RGS7: variants seen among roughly 807,000 people sequenced by gnomAD.
RGS7 encodes the protein regulator of G-protein signaling 7.
Under a neutral mutation model 81.1 loss-of-function variants are expected in RGS7, and 27 were observed. The observed-to-expected ratio is 0.33, with a 90% confidence interval of 0.25 to 0.46. RGS7 has a LOEUF of 0.46. Among genes scored for constraint, RGS7 ranks in the 20% least tolerant of loss-of-function variants. The pLI, the probability that RGS7 is intolerant of heterozygous loss-of-function variation, is 1.00. For synonymous variants in RGS7, 208 were observed against 207.7 expected (o/e 1.00, Z -0.01); for missense variants, 396 against 607.4 (o/e 0.65, Z 3.66).
chr1:241,323,317 G>A (rs900498266), intron 2 of RGS7, among the ~76,000 whole-genome samples: 1 of 152,194 alleles, frequency 6.6e-6, no homozygotes, highest in African/African-American at 2.4e-5. Context: ...TTTAAATTGT[G>A]ATGTATGTTT....
At chr1:240,995,608 A>G (rs148675412) in intron 3 of RGS7, among the ~76,000 whole-genome samples, 25 of 151,894 alleles carry the variant, frequency 1.6e-4, no homozygotes, top group African/African-American at 5.5e-4. Flanking sequence ...ATGTCAAATT[A>G]TGTGTTTAAG....
intron 2 of RGS7, among the ~76,000 whole-genome samples, chr1:241,183,597 T>C (rs1213072070): frequency 6.6e-6 from 1 of 152,172 alleles, no homozygotes; most frequent in Non-Finnish European, 1.5e-5. Flanking sequence ...AAAGTCACTC[T>C]CAGAGAAAAA....
chr1:240,930,081 G>C (rs1194285144), intron 6 of RGS7, among the ~76,000 whole-genome samples: 1 of 152,162 alleles, frequency 6.6e-6, no homozygotes, highest in Non-Finnish European at 1.5e-5. Flanking sequence ...AAACTGTACT[G>C]TTCAGGAAGA....
At chr1:240,904,648 C>A (rs2148215849) in intron 6 of RGS7, among the ~76,000 whole-genome samples, 1 of 152,140 alleles carries the variant, frequency 6.6e-6, no homozygotes, top group East Asian at 1.9e-4. Context: ...GTTTATGGGA[C>A]AAATGAAACT....
At chr1:241,269,421 C>T (rs912147407) in intron 2 of RGS7, among the ~76,000 whole-genome samples, 8 of 152,204 alleles carry the variant, frequency 5.3e-5, no homozygotes, top group African/African-American at 1.2e-4. Flanking sequence ...AGAGGGCCCT[C>T]GAGCAAGGCC....
intron 2 of RGS7, among the ~76,000 whole-genome samples, chr1:241,283,174 A>T (rs2078617961): frequency 6.6e-6 from 1 of 152,218 alleles, no homozygotes; most frequent in Admixed American, 6.5e-5. Flanking sequence ...TGTCAAACAT[A>T]TGTAGAAAAC....
chr1:241,256,160 A>G (rs1428268471), intron 2 of RGS7, among the ~76,000 whole-genome samples: 1 of 152,218 alleles, frequency 6.6e-6, no homozygotes, highest in Non-Finnish European at 1.5e-5. Flanking sequence ...AGCAAGACTG[A>G]ACCATCAATT....
intron 2 of RGS7, among the ~76,000 whole-genome samples, chr1:241,273,184 C>CA (rs71172695): frequency 1.4e-5 from 2 of 144,176 alleles, no homozygotes; most frequent in Non-Finnish European, 3.0e-5. Flanking sequence ...AACCCCCCCC[C>CA]CCAAAGGATA....
intron 2 of RGS7, among the ~76,000 whole-genome samples, chr1:241,117,766 T>C (rs1356330966): frequency 6.6e-6 from 1 of 152,166 alleles, no homozygotes; most frequent in African/African-American, 2.4e-5. Flanking sequence ...ATATATTTCT[T>C]ATCGGATTAA....
At chr1:241,113,638 T>C (rs1469884435) in intron 2 of RGS7, among the ~76,000 whole-genome samples, 3 of 152,244 alleles carry the variant, frequency 2.0e-5, no homozygotes, top group Non-Finnish European at 4.4e-5. Context: ...GTGGCCTTTG[T>C]TGCTTAGCAG....
intron 3 of RGS7, among the ~76,000 whole-genome samples, chr1:241,027,228 A>G (rs888152365): frequency 1.3e-5 from 2 of 151,566 alleles, no homozygotes; most frequent in Non-Finnish European, 1.5e-5. Flanking sequence ...AAAAGAAGAA[A>G]AAAAAAAAGA....
chr1:241,179,224 A>T (rs138938730), intron 2 of RGS7, among the ~76,000 whole-genome samples: 2 of 152,244 alleles, frequency 1.3e-5, no homozygotes, highest in Non-Finnish European at 2.9e-5. Flanking sequence ...CCTTCCAAGT[A>T]ACTGGGATTA....
At chr1:241,351,678 C>G (rs1308397080) in intron 2 of RGS7, among the ~76,000 whole-genome samples, 2 of 151,860 alleles carry the variant, frequency 1.3e-5, no homozygotes, top group Non-Finnish European at 2.9e-5. Context: ...AAGCAAGAGA[C>G]TATATAAGGA....
intron 2 of RGS7, among the ~76,000 whole-genome samples, chr1:241,307,097 T>C (rs947991949): frequency 6.6e-6 from 1 of 152,228 alleles, no homozygotes; most frequent in South Asian, 2.1e-4. Context: ...GGTTTAGATA[T>C]TTTTCCAGCT....
intron 2 of RGS7, among the ~76,000 whole-genome samples, chr1:241,149,864 C>T (rs2068622472): frequency 6.6e-6 from 1 of 152,270 alleles, no homozygotes; most frequent in East Asian, 1.9e-4. Context: ...CAACCTCCAC[C>T]TCCAGGGTTC....
chr1:241,209,163 G>C (rs1266791170), intron 2 of RGS7, among the ~76,000 whole-genome samples: 1 of 152,082 alleles, frequency 6.6e-6, no homozygotes, highest in Non-Finnish European at 1.5e-5. Context: ...GCACTGTCTG[G>C]GGCACTGTCT....
intron 4 of RGS7, among the ~76,000 whole-genome samples, chr1:240,960,232 T>G (rs112468684): frequency 4.3e-5 from 3 of 70,234 alleles, no homozygotes; most frequent in Non-Finnish European, 9.4e-5. Context: ...TTTTTTTTTT[T>G]TTGTTGTTGT....
intron 2 of RGS7, among the ~76,000 whole-genome samples, chr1:241,326,168 G>A (rs1256541186): frequency 2.6e-5 from 4 of 152,152 alleles, no homozygotes; most frequent in African/African-American, 9.7e-5. Context: ...TTCATCTCCG[G>A]TTTCACTACT....
At chr1:240,919,868 T>C (rs1214587261) in intron 6 of RGS7, 4 of 893,284 alleles carry the variant, frequency 4.5e-6, no homozygotes, top group Non-Finnish European at 7.4e-6. Flanking sequence ...TGGCCATGAA[T>C]GGAAGGCCAC....
Sources: gnomAD v4.1 joint callset for allele counts (sites outside exome capture counted in the v4.1 genomes callset) on GRCh38, gnomAD v4.1.1 for gene constraint, MANE v1.5 for transcripts, NCBI Gene and HGNC (gene_info 2026-07-23, HGNC 2026-07-21) for gene names.